The following SGCZ variants were observed in gnomAD, a reference collection of about 807,000 sequenced individuals.
SGCZ encodes the protein zeta-sarcoglycan.
In SGCZ, 40 loss-of-function variants were observed where a neutral mutation model predicts 41.3. The observed-to-expected ratio is 0.97, with a 90% CI of 0.75 to 1.26. The LOEUF (loss-of-function observed/expected upper bound fraction) is 1.26. SGCZ is among the 50% of genes most tolerant of loss of function. The pLI, the probability that SGCZ is intolerant of heterozygous loss-of-function variation, is 0.00. For synonymous variants in SGCZ, 206 were observed against 137.5 expected, an observed-to-expected ratio of 1.50 and a Z score of -3.49; for missense variants, 552 against 369.8, an observed-to-expected ratio of 1.49 and a Z score of -4.04.
chr8:15,109,065 T>G (rs1484667834), intron 1 of SGCZ, among the ~76,000 whole-genome samples: 4 of 152,092 alleles, frequency 2.6e-5, no homozygotes, highest in Non-Finnish European at 5.9e-5. Context: ...TATTCATAAT[T>G]GGAAAGGATT....
chr8:14,806,452 C>A (rs1042980399), intron 1 of SGCZ, among the ~76,000 whole-genome samples: 2 of 151,746 alleles, frequency 1.3e-5, no homozygotes, highest in African/African-American at 2.4e-5. Flanking sequence ...ACTACAAACA[C>A]CTCTACGCAA....
At chr8:14,699,159 G>T (rs952120625) in intron 1 of SGCZ, among the ~76,000 whole-genome samples, 12 of 150,254 alleles carry the variant, frequency 8.0e-5, no homozygotes, top group Non-Finnish European at 1.5e-4. Flanking sequence ...ACAACAGAGG[G>T]TATATAAATA....
At chr8:14,225,842 A>G (rs1019771966) in intron 4 of SGCZ, among the ~76,000 whole-genome samples, 1 of 152,128 alleles carries the variant, frequency 6.6e-6, no homozygotes, top group Non-Finnish European at 1.5e-5. Context: ...CTTTAAATCA[A>G]TAAGAAGGCT....
At chr8:14,404,062 TATCACG>T (rs1799147883) in intron 2 of SGCZ, among the ~76,000 whole-genome samples, 1 of 151,996 alleles carries the variant, frequency 6.6e-6, no homozygotes, top group African/African-American at 2.4e-5. Context: ...CTTACCTGAG[TATCACG>T]AAAAGAGAGA....
rs527693232 is a variant in SGCZ at position 14,232,164 on chromosome 8, C to T, written c.424+5428G>A. Among the ~76,000 whole-genome samples the T allele has an allele frequency of 5.9e-5, 9 of 151,460 alleles. No individual in the cohort carries two copies. In the East Asian group the frequency reaches 9.8e-4, roughly 16 times the overall value. Reference sequence around the variant, plus strand: ...ATATATATACATATATATTTAATTTCAATTTTTAAGTGTGTAGCTGATTGA... The same window carrying T: ...ATATATATACATATATATTTAATTTTAATTTTTAAGTGTGTAGCTGATTGA... On this transcript the variant is annotated intron_variant, in intron 4 of 7. Coordinates refer to ENST00000382080, the MANE Select transcript of SGCZ (RefSeq NM_139167.4).
At chr8:15,124,039 G>A (rs934686695) in intron 1 of SGCZ, among the ~76,000 whole-genome samples, 2 of 152,142 alleles carry the variant, frequency 1.3e-5, no homozygotes, top group African/African-American at 4.8e-5. Flanking sequence ...TACAATTTAT[G>A]CTTGGTAATC....
intron 1 of SGCZ, among the ~76,000 whole-genome samples, chr8:14,790,732 A>G (rs1027746121): frequency 6.6e-6 from 1 of 152,172 alleles, no homozygotes; most frequent in Admixed American, 6.5e-5. Context: ...ATTATGCCGC[A>G]GCAGAAAATA....
chr8:15,099,792 TCAA>T (rs1806531724), intron 1 of SGCZ, among the ~76,000 whole-genome samples: 2 of 152,282 alleles, frequency 1.3e-5, no homozygotes, highest in East Asian at 3.9e-4. Context: ...TAAGACTGGT[TCAA>T]CATTGAAAAA....
chr8:14,253,069 A>G (rs1427001), intron 3 of SGCZ, among the ~76,000 whole-genome samples: 101,184 of 151,768 alleles, frequency 0.67, 34,114 homozygotes, highest in South Asian at 0.78. Flanking sequence ...ATGAAAAATA[A>G]ATAAAAGAAG....
At chr8:14,996,964 A>G (rs1400653260) in intron 1 of SGCZ, among the ~76,000 whole-genome samples, 1 of 152,178 alleles carries the variant, frequency 6.6e-6, no homozygotes, top group Non-Finnish European at 1.5e-5. Flanking sequence ...ACTACTCTAC[A>G]TAGTAAGGAA....
intron 2 of SGCZ, among the ~76,000 whole-genome samples, chr8:14,523,182 T>C (rs376808358): frequency 3.3e-5 from 5 of 152,110 alleles, no homozygotes; most frequent in African/African-American, 9.6e-5. Flanking sequence ...TCTTGCTTCA[T>C]CCATAAAATA....
chr8:15,146,266 C>G (rs964023041), intron 1 of SGCZ, among the ~76,000 whole-genome samples: 19 of 152,062 alleles, frequency 1.2e-4, no homozygotes, highest in Admixed American at 5.9e-4. Context: ...ATGTAAATGC[C>G]TACCGTTGAT....
chr8:14,602,394 G>C (rs1333089116), intron 1 of SGCZ, among the ~76,000 whole-genome samples: 1 of 151,928 alleles, frequency 6.6e-6, no homozygotes, highest in Non-Finnish European at 1.5e-5. Context: ...GGAATTACTG[G>C]GGAGGTAATT....
intron 4 of SGCZ, among the ~76,000 whole-genome samples, chr8:14,231,391 T>A (rs1806567109): frequency 6.6e-6 from 1 of 151,926 alleles, no homozygotes. Flanking sequence ...CAATATCAAT[T>A]TCATCATGAG....
intron 2 of SGCZ, among the ~76,000 whole-genome samples, chr8:14,345,082 C>T (rs189791443): frequency 6.6e-6 from 1 of 151,898 alleles, no homozygotes; most frequent in East Asian, 1.9e-4. Context: ...TCCTATTAAA[C>T]AGTAAGATAA....
intron 4 of SGCZ, among the ~76,000 whole-genome samples, chr8:14,218,824 G>T (rs1262905009): frequency 6.6e-6 from 1 of 152,162 alleles, no homozygotes; most frequent in Non-Finnish European, 1.5e-5. Flanking sequence ...GTGTTGTGGT[G>T]GTCCAAGAAG....
chr8:14,490,478 G>A (rs770500600), intron 2 of SGCZ, among the ~76,000 whole-genome samples: 25 of 152,186 alleles, frequency 1.6e-4, no homozygotes, highest in Non-Finnish European at 2.4e-4. Context: ...AATGAACAAT[G>A]TAGGAAACAC....
intron 1 of SGCZ, among the ~76,000 whole-genome samples, chr8:15,150,889 G>A (rs1463761699): frequency 1.3e-5 from 2 of 152,274 alleles, no homozygotes; most frequent in African/African-American, 4.8e-5. Flanking sequence ...ATGGCCTCCA[G>A]TGATTTTTGC....
At chr8:15,015,754 T>TGTG (rs1480851801) in intron 1 of SGCZ, among the ~76,000 whole-genome samples, 2 of 149,746 alleles carry the variant, frequency 1.3e-5, no homozygotes, top group East Asian at 4.1e-4. Context: ...TGTGTGTGTG[T>TGTG]GTGTGTGTGT....
Sources: gnomAD v4.1 joint callset for allele counts (sites outside exome capture counted in the v4.1 genomes callset) on GRCh38, gnomAD v4.1.1 for gene constraint, MANE v1.5 for transcripts, NCBI Gene and HGNC (gene_info 2026-07-23, HGNC 2026-07-21) for gene names.